FBXW2: variants seen among roughly 807,000 people sequenced by gnomAD.
FBXW2 encodes the protein F-box/WD repeat-containing protein 2.
Under a neutral mutation model 46.0 loss-of-function variants are expected in FBXW2, and 12 were observed. That is an observed-to-expected ratio of 0.26 (90% confidence interval 0.17 to 0.42). FBXW2 has a LOEUF of 0.42. Among genes scored for constraint, FBXW2 ranks in the 10% least tolerant of loss-of-function variants. The pLI, the probability that FBXW2 is intolerant of heterozygous loss-of-function variation, is 1.00. For missense variants in FBXW2, 360 were observed against 537.0 expected, an observed-to-expected ratio of 0.67 and a Z score of 3.26; for synonymous variants, 203 against 209.6, an observed-to-expected ratio of 0.97 and a Z score of 0.27.
At chr9:120,770,538 C>T (rs888772032) in intron 7 of FBXW2, among the ~76,000 whole-genome samples, 48 of 152,212 alleles carry the variant, frequency 3.2e-4, no homozygotes, top group Non-Finnish European at 8.8e-5. Context: ...GGTTTCTTTA[C>T]ATGGGTCCTC....
At chr9:120,772,884 C>T (rs2044410056) in intron 5 of FBXW2, 44 bp from the exon 6 acceptor site, 1 of 1,271,448 alleles carries the variant, frequency 7.9e-7, no homozygotes, top group African/African-American at 1.5e-5. Context: ...TTTAATGCTG[C>T]TCCTATAATG....
At chr9:120,792,684 A>G (rs1438931624) in intron 2 of FBXW2, among the ~76,000 whole-genome samples, 1 of 152,164 alleles carries the variant, frequency 6.6e-6, no homozygotes, top group Non-Finnish European at 1.5e-5. Context: ...CACCTGTCTC[A>G]TGCCCTGTTT....
chr9:120,779,961 G>A (rs1015610410), intron 3 of FBXW2, among the ~76,000 whole-genome samples: 6 of 151,568 alleles, frequency 4.0e-5, no homozygotes, highest in Non-Finnish European at 5.9e-5. Context: ...AGACCATCGC[G>A]AAACCCTGTC....
rs553506414 is a variant in FBXW2, at chr9:120,787,487, T to C, written c.490+282A>G. Among the ~76,000 whole-genome samples the C allele has an allele frequency of 7.2e-5, 11 of 152,248 alleles. No individual in the cohort carries two copies. The South Asian group carries it at 8.3e-4, about 11-fold the overall frequency. ...GAATTTAGCAACAGAGGACTACACA[T>C]GGAGGAAACACAAAGAAAAAGTAAT... On this transcript the variant is annotated intron_variant, in intron 3 of 7. Coordinates refer to ENST00000608872, the MANE Select transcript of FBXW2 (RefSeq NM_012164.4).
At chr9:120,772,954 C>T (rs1314977653) in intron 5 of FBXW2, 114 bp from the exon 6 acceptor site, 11 of 707,826 alleles carry the variant, frequency 1.6e-5, no homozygotes, top group Non-Finnish European at 1.9e-5. Flanking sequence ...ATAGCTAAGC[C>T]ATAACTCCAT....
At chr9:120,789,112 A>G (rs554167518) in intron 2 of FBXW2, among the ~76,000 whole-genome samples, 1 of 152,282 alleles carries the variant, frequency 6.6e-6, no homozygotes, top group Non-Finnish European at 1.5e-5. Context: ...AGACATTATC[A>G]TCTTCACTTT....
intron 7 of FBXW2, among the ~76,000 whole-genome samples, chr9:120,767,947 C>G (rs552618140): frequency 6.6e-6 from 1 of 152,204 alleles, no homozygotes; most frequent in Non-Finnish European, 1.5e-5. Flanking sequence ...TTCTACTGAC[C>G]TCCCCACATC....
chr9:120,787,264 G>C (rs150158505), intron 3 of FBXW2, among the ~76,000 whole-genome samples: 1 of 152,280 alleles, frequency 6.6e-6, no homozygotes, highest in Non-Finnish European at 1.5e-5. Context: ...CCTGAGCTCA[G>C]GCAATCCACC....
intron 5 of FBXW2, among the ~76,000 whole-genome samples, chr9:120,773,259 G>A (rs972790381): frequency 6.6e-6 from 1 of 151,686 alleles, no homozygotes; most frequent in African/African-American, 2.4e-5. Context: ...CAAACATTAG[G>A]ACTGATTTTT....
rs1180831412 is a variant in FBXW2, at chr9:120,761,915, C to A, written c.*2644G>T. On this transcript the variant is annotated 3_prime_UTR_variant, in exon 8 of 8. Transcript: ENST00000608872. ...ACTATATACAGCTTCAAGTTTGTCACTTTTTAATAAAACTTTTCCCACAAA... is the reference window on the plus strand; with the variant it reads ...ACTATATACAGCTTCAAGTTTGTCAATTTTTAATAAAACTTTTCCCACAAA... The A allele has an allele frequency of 6.6e-6, 1 of 152,188 alleles. No individual in the cohort carries two copies. Among genetic ancestry groups the A allele is most frequent in the East Asian group, 1.9e-4 (1 of 5,204 alleles). 9.4% of individuals were successfully genotyped at this position (152,188 alleles called of 1,614,324 possible). A position where few individuals can be genotyped will look rare whatever the true frequency, so the allele number is the denominator to read the frequency against.
rs909270850 is a variant in FBXW2, at chr9:120,761,313, G to A, written c.*3246C>T. On this transcript the variant is annotated 3_prime_UTR_variant, in exon 8 of 8. Coordinates refer to ENST00000608872, the MANE Select transcript of FBXW2 (RefSeq NM_012164.4). ...TTGTTATGATGGCCTTTATGAACCT[G>A]AAAGAAGCCGCTGGCTTCCACCACA... The A allele has an allele frequency of 3.3e-5, 5 of 152,322 alleles. No homozygotes were observed. The highest frequency in any genetic ancestry group is 9.6e-5 in the African/African-American group (4 of 41,574). 9.4% of individuals were successfully genotyped at this position (152,322 alleles called of 1,614,324 possible). A position where few individuals can be genotyped will look rare whatever the true frequency, so the allele number is the denominator to read the frequency against.
In FBXW2 at chr9:120,762,298, C is replaced by T. The variant is rs963362789; in HGVS notation, c.*2261G>A. On this transcript the variant is annotated 3_prime_UTR_variant, in exon 8 of 8. Transcript: ENST00000608872. ...GAGGTTGCAGTGAGCCAAGATCGTG[C>T]CATTGCACTCCAGCCTGCGCAGTAA... 1.3e-5 allele frequency: 2 copies of T among 151,976 alleles called. No individual in the cohort carries two copies. Among genetic ancestry groups the T allele is most frequent in the Non-Finnish European group, 2.9e-5 (2 of 68,036 alleles). 9.4% of individuals were successfully genotyped at this position (151,976 alleles called of 1,614,324 possible). A position where few individuals can be genotyped will look rare whatever the true frequency, so the allele number is the denominator to read the frequency against.
intron 2 of FBXW2, 158 bp downstream of exon 2, chr9:120,792,991 A>G: frequency 1.3e-6 from 2 of 1,529,662 alleles, no homozygotes; most frequent in Non-Finnish European, 8.8e-7. Flanking sequence ...TAGCCCTGGG[A>G]CATCACTGTT....
chr9:120,783,801 C>A (rs1244032060), intron 3 of FBXW2, among the ~76,000 whole-genome samples: 1 of 152,184 alleles, frequency 6.6e-6, no homozygotes, highest in Non-Finnish European at 1.5e-5. Flanking sequence ...TCCTTTCTTA[C>A]CATTTCAGAA....
chr9:120,782,018 C>T (rs1393748726), intron 3 of FBXW2, among the ~76,000 whole-genome samples: 11 of 137,914 alleles, frequency 8.0e-5, no homozygotes, highest in Non-Finnish European at 1.6e-4. Flanking sequence ...TGCAAAACTC[C>T]GTCTCAAAAA....
intron 3 of FBXW2, among the ~76,000 whole-genome samples, chr9:120,779,481 T>C (rs114954878): frequency 0.017 from 2,644 of 152,256 alleles, 77 homozygotes; most frequent in African/African-American, 0.061. Context: ...AATGGAAAAA[T>C]AGCCATCACT....
In FBXW2 at chr9:120,764,499, T is replaced by C. The variant is rs1231758955; in HGVS notation, c.*60A>G. On this transcript the variant is annotated 3_prime_UTR_variant, in exon 8 of 8. Transcript: ENST00000608872. ...TTCATGCAGTCGGCTGCCGCAGAGG[T>C]TGCACCCAAAACCCGCAGCCCCGGC... 9 of 1,556,790 alleles carry C rather than the reference T, an allele frequency of 5.8e-6. No homozygotes were observed. In the Admixed American group the frequency reaches 1.6e-4, roughly 28 times the overall value.
chr9:120,773,188 T>TAAA (rs34998032), intron 5 of FBXW2, among the ~76,000 whole-genome samples: 1 of 137,458 alleles, frequency 7.3e-6, no homozygotes, highest in Non-Finnish European at 1.6e-5. Context: ...CCACAACGCT[T>TAAA]AAAAAAAAAA....
chr9:120,792,801 G>T, intron 2 of FBXW2: 1 of 1,156,148 alleles, frequency 8.6e-7, no homozygotes, highest in Non-Finnish European at 1.2e-6. Context: ...CACGCTGTAA[G>T]CCTACAGTAA....
Sources: gnomAD v4.1 joint callset for allele counts (sites outside exome capture counted in the v4.1 genomes callset) on GRCh38, gnomAD v4.1.1 for gene constraint, MANE v1.5 for transcripts, NCBI Gene and HGNC (gene_info 2026-07-23, HGNC 2026-07-21) for gene names.